Variants in RNF180 observed in about 807,000 individuals in gnomAD.
RNF180 encodes E3 ubiquitin-protein ligase RNF180.
Under a neutral mutation model 59.2 loss-of-function variants are expected in RNF180, and 38 were observed. That is an observed-to-expected ratio of 0.64 (90% confidence interval 0.50 to 0.84). The LOEUF (loss-of-function observed/expected upper bound fraction) is 0.84, where lower values mean the gene tolerates loss of function less well. Among genes scored for constraint, RNF180 ranks in the 40% least tolerant of loss-of-function variants. The probability of loss-of-function intolerance (pLI) is 0.00; values close to 1 mark genes in which losing one functional copy is unlikely to be tolerated. For missense variants in RNF180, 705 were observed against 700.9 expected (o/e 1.01, Z -0.07); for synonymous variants, 262 against 240.3 (o/e 1.09, Z -0.84).
At chr5:64,217,592 TC>T in intron 5 of RNF180, 196 bp downstream of exon 5, 1 of 822,502 alleles carries the variant, frequency 1.2e-6, no homozygotes, top group Non-Finnish European at 1.6e-6. Context: ...AATTTGCTTT[TC>T]CTTAAGGATG....
chr5:64,261,473 A>T (rs1296935926), intron 5 of RNF180, among the ~76,000 whole-genome samples: 1 of 152,130 alleles, frequency 6.6e-6, no homozygotes, highest in African/African-American at 2.4e-5. Context: ...TTTCAAAAAA[A>T]TTTTTTAAGT....
chr5:64,245,192 G>T (rs1398347004), intron 5 of RNF180, among the ~76,000 whole-genome samples: 3 of 151,922 alleles, frequency 2.0e-5, no homozygotes, highest in African/African-American at 7.2e-5. Context: ...TAATGACACT[G>T]TGAAGAAACC....
At chr5:64,278,231 A>G (rs1294376621) in intron 5 of RNF180, among the ~76,000 whole-genome samples, 1 of 152,132 alleles carries the variant, frequency 6.6e-6, no homozygotes, top group Non-Finnish European at 1.5e-5. Context: ...TAACGTAATG[A>G]TCTCATCCAC....
In RNF180 at chr5:64,296,183, C is replaced by T. The variant is rs1007994531; in HGVS notation, c.1228-29003C>T. Among the ~76,000 whole-genome samples, 9 of 152,064 alleles carry T rather than the reference C, an allele frequency of 5.9e-5. No homozygotes were observed. In the East Asian group the frequency reaches 1.2e-3, roughly 20 times the overall value. On this transcript the variant is annotated intron_variant, in intron 5 of 7. Coordinates refer to ENST00000389100, the MANE Select transcript of RNF180 (RefSeq NM_001113561.2). ...AGGATCTGGAGGGCACTTAGGTCCA[C>T]GGAAATTTCTAAAGTATGACTACTA... is the stretch of plus-strand genomic sequence containing the variant.
intron 5 of RNF180, among the ~76,000 whole-genome samples, chr5:64,247,808 C>A (rs2112263025): frequency 6.6e-6 from 1 of 152,252 alleles, no homozygotes; most frequent in Non-Finnish European, 1.5e-5. Context: ...CAAGACAATC[C>A]TAAGCGAAAA....
chr5:64,315,699 G>A (rs1248570521), intron 5 of RNF180, among the ~76,000 whole-genome samples: 1 of 141,280 alleles, frequency 7.1e-6, no homozygotes, highest in Non-Finnish European at 1.5e-5. Context: ...TCGTGCCATT[G>A]CACTCCAGTC....
chr5:64,242,739 C>G (rs1043805847), intron 5 of RNF180, among the ~76,000 whole-genome samples: 16 of 152,170 alleles, frequency 1.1e-4, no homozygotes, highest in African/African-American at 3.4e-4. Flanking sequence ...GAATCAGATT[C>G]AATCCAAGTA....
At chr5:64,333,590 C>T (rs1359663941) in intron 7 of RNF180, among the ~76,000 whole-genome samples, 1 of 151,172 alleles carries the variant, frequency 6.6e-6, no homozygotes, top group East Asian at 1.9e-4. Context: ...GAGTGTTCTT[C>T]AAAACAGTCC....
intron 5 of RNF180, 43 bp from the exon 6 acceptor site, chr5:64,325,143 A>G (rs1744569646): frequency 1.6e-6 from 2 of 1,274,406 alleles, no homozygotes; most frequent in Admixed American, 4.1e-5. Flanking sequence ...AAGGAAACCA[A>G]TCTCATACTA....
At chr5:64,202,111 A>G (rs1238078763) in intron 2 of RNF180, among the ~76,000 whole-genome samples, 2 of 152,210 alleles carry the variant, frequency 1.3e-5, no homozygotes, top group Non-Finnish European at 2.9e-5. Flanking sequence ...CCTGCCATGA[A>G]TCAGATCAAG....
chr5:64,199,897 TTC>T (rs1751650560), intron 1 of RNF180, among the ~76,000 whole-genome samples: 1 of 152,212 alleles, frequency 6.6e-6, no homozygotes, highest in South Asian at 2.1e-4. Flanking sequence ...GGTGGGGCTG[TTC>T]TCTGAGTCTT....
At chr5:64,283,544 G>A (rs1372911573) in intron 5 of RNF180, among the ~76,000 whole-genome samples, 3 of 152,046 alleles carry the variant, frequency 2.0e-5, no homozygotes, top group African/African-American at 7.2e-5. Context: ...CACATGTCAA[G>A]GGCAGGACCA....
intron 1 of RNF180, among the ~76,000 whole-genome samples, chr5:64,185,653 A>G (rs1047451315): frequency 1.3e-5 from 2 of 152,326 alleles, no homozygotes; most frequent in South Asian, 2.1e-4. Flanking sequence ...GCCCAAAGAG[A>G]GAACAGTAGC....
At chr5:64,191,638 G>A (rs1751163896) in intron 1 of RNF180, among the ~76,000 whole-genome samples, 1 of 152,118 alleles carries the variant, frequency 6.6e-6, no homozygotes. Flanking sequence ...ATATGTCAGT[G>A]TTTAATTGGC....
At chr5:64,181,458 T>C (rs1750578868) in intron 1 of RNF180, among the ~76,000 whole-genome samples, 1 of 152,216 alleles carries the variant, frequency 6.6e-6, no homozygotes, top group Admixed American at 6.5e-5. Context: ...AATTACAGTT[T>C]TTTAAATGGG....
chr5:64,263,496 C>G (rs1744472724), intron 5 of RNF180, among the ~76,000 whole-genome samples: 1 of 152,098 alleles, frequency 6.6e-6, no homozygotes, highest in Non-Finnish European at 1.5e-5. Flanking sequence ...AACCTTTTAA[C>G]TGTGTTATTT....
intron 7 of RNF180, among the ~76,000 whole-genome samples, chr5:64,342,292 GA>G (rs1040283043): frequency 6.6e-6 from 1 of 152,132 alleles, no homozygotes; most frequent in Non-Finnish European, 1.5e-5. Flanking sequence ...AGCCCCCTAA[GA>G]AAGCTAATAT....
rs190885393 is a variant in RNF180, at chr5:64,222,298, T to A, written c.1227+4902T>A. On this transcript the variant is annotated intron_variant, in intron 5 of 7. Coordinates refer to ENST00000389100, the MANE Select transcript of RNF180 (RefSeq NM_001113561.2). ...TCATACTTCCAGCTATGTTTTTTTTTAATTATACTTTAAGTTTTAGGGTAC... is the reference window on the plus strand; with the variant it reads ...TCATACTTCCAGCTATGTTTTTTTTAAATTATACTTTAAGTTTTAGGGTAC... 3.5e-3 allele frequency among the ~76,000 whole-genome samples: 531 copies of A among 152,304 alleles called. 2 individuals are homozygous for A. Among genetic ancestry groups the A allele is most frequent in the African/African-American group, 0.011 (473 of 41,562 alleles).
chr5:64,256,020 A>G (rs975968233), intron 5 of RNF180, among the ~76,000 whole-genome samples: 2 of 152,030 alleles, frequency 1.3e-5, no homozygotes, highest in African/African-American at 4.8e-5. Flanking sequence ...GTCTGTTCAT[A>G]TCCTTCGCCC....
Sources: gnomAD v4.1 joint callset for allele counts (sites outside exome capture counted in the v4.1 genomes callset) on GRCh38, gnomAD v4.1.1 for gene constraint, MANE v1.5 for transcripts, NCBI Gene and HGNC (gene_info 2026-07-23, HGNC 2026-07-21) for gene names.